Variants in MED16 observed in about 807,000 individuals in gnomAD.
MED16 encodes mediator of RNA polymerase II transcription subunit 16.
Under a neutral mutation model 84.4 loss-of-function variants are expected in MED16, and 81 were observed. The observed-to-expected ratio is 0.96, with a 90% CI of 0.80 to 1.15. The LOEUF is 1.15. Ranked by LOEUF, MED16 falls within the 50% of genes most tolerant of loss-of-function variation. The probability of loss-of-function intolerance (pLI) is 0.00; values close to 1 mark genes in which losing one functional copy is unlikely to be tolerated. For missense variants in MED16, 1,585 were observed against 1,245.9 expected (o/e 1.27, Z -4.10); for synonymous variants, 897 against 552.2 (o/e 1.62, Z -8.76).
intron 4 of MED16, among the ~76,000 whole-genome samples, chr19:886,563 C>T (rs2036531343): frequency 6.6e-6 from 1 of 152,210 alleles, no homozygotes; most frequent in Admixed American, 6.5e-5. Flanking sequence ...TCTGCCGTGG[C>T]GGCACACAGG....
At chr19:876,935 C>CCCACCTGCCACGGGGCT in intron 9 of MED16, 39 bp downstream of exon 9, 1 of 1,574,258 alleles carries the variant, frequency 6.4e-7, no homozygotes, top group South Asian at 1.1e-5. Flanking sequence ...CCACAGGGCC[C>CCCACCTGCCACGGGGCT]CCACCTGCCA....
intron 5 of MED16, among the ~76,000 whole-genome samples, chr19:885,388 G>A (rs1214298849): frequency 6.6e-6 from 1 of 152,068 alleles, no homozygotes; most frequent in African/African-American, 2.4e-5. Context: ...TGGCTGGGCC[G>A]CCTCTCACAG....
chr19:875,185 AAAAAT>A (rs1409036458), intron 10 of MED16, 54 bp downstream of exon 10: 18 of 1,184,342 alleles, frequency 1.5e-5, no homozygotes, highest in Middle Eastern at 2.9e-4. Context: ...AAAAATAAAT[AAAAAT>A]AAAATAAATA....
intron 4 of MED16, among the ~76,000 whole-genome samples, chr19:889,113 T>C (rs1433514030): frequency 8.5e-6 from 1 of 117,240 alleles, no homozygotes; most frequent in Admixed American, 9.9e-5. Context: ...GCCTACTTCT[T>C]AACTGTCCCC....
At position 885,772 on chromosome 19, in the gene MED16, G is replaced by A; in HGVS notation, c.877C>T (p.Gln293Ter). ...CGTGATGGCCTGCGCCCGTTCACCTGCTCCGACATGTCCCGGGCCAGGAAC... is the reference window on the plus strand; with the variant it reads ...CGTGATGGCCTGCGCCCGTTCACCTACTCCGACATGTCCCGGGCCAGGAAC... ...LKFLARDMSE[Q>*]VLLCASSQTS... is the part of the protein sequence containing the mutation. Residue 293 changes from glutamine (Q) to a stop codon, truncating the protein, a stop_gained and splice_region_variant, in exon 5 of 16, where the codon CAG becomes TAG. Transcript: ENST00000325464. LOFTEE classifies it high-confidence loss of function. 1 of 1,606,682 alleles carries A rather than the reference G, an allele frequency of 6.2e-7. No homozygotes were observed. The highest frequency in any genetic ancestry group is 8.5e-7 in the Non-Finnish European group (1 of 1,178,994).
At chr19:868,530 C>A in intron 14 of MED16, 31 bp from the exon 15 acceptor site, 1 of 1,604,008 alleles carries the variant, frequency 6.2e-7, no homozygotes, top group Non-Finnish European at 8.5e-7. Flanking sequence ...AGCGGGTTCC[C>A]ACTTCCAGGC....
intron 13 of MED16, 141 bp downstream of exon 13, chr19:870,896 C>G: frequency 2.5e-6 from 2 of 791,558 alleles, no homozygotes; most frequent in Non-Finnish European, 1.9e-6. Context: ...CCGGGCAGGA[C>G]ATGGAGGCGG....
intron 10 of MED16, 149 bp downstream of exon 10, chr19:875,095 C>T (rs912285790): frequency 3.8e-5 from 19 of 495,422 alleles, no homozygotes; most frequent in Admixed American, 7.9e-5. Flanking sequence ...ACCAGAGAGG[C>T]GGAGGCTGCA....
At position 868,489 on chromosome 19, in the gene MED16, C is replaced by CA. The variant is rs1437543275; in HGVS notation, c.2409dup (p.Val804CysfsTer28). On this transcript the variant is annotated frameshift_variant, in exon 15 of 16. Transcript: ENST00000325464. LOFTEE classifies it high-confidence loss of function. ...CTGTTGGGCGACTTGAGCATGGTGA[C>CA]ACAGCCGCACCTGCGGGGAGGCAGG... 3.1e-6 allele frequency: 5 copies of CA among 1,610,440 alleles called. No homozygotes were observed. The highest frequency in any genetic ancestry group is 4.2e-6 in the Non-Finnish European group (5 of 1,179,842).
chr19:873,300 TCCAAGTAGGGGC>T, intron 11 of MED16, 137 bp downstream of exon 11: 2 of 540,270 alleles, frequency 3.7e-6, no homozygotes, highest in South Asian at 4.3e-5. Flanking sequence ...GGGGCGGGAC[TCCAAGTAGGGGC>T]GGGACTCCAA....
chr19:874,555 G>T (rs542623228), intron 10 of MED16, among the ~76,000 whole-genome samples: 1 of 152,120 alleles, frequency 6.6e-6, no homozygotes, highest in African/African-American at 2.4e-5. Context: ...GTCCCCTTAC[G>T]GCAAAACGGA....
intron 13 of MED16, 142 bp from the exon 14 acceptor site, chr19:869,088 TGAGGTGG>T (rs1181479275): frequency 1.4e-6 from 1 of 725,652 alleles, no homozygotes; most frequent in Admixed American, 3.3e-5. Context: ...CTGTGAACAG[TGAGGTGG>T]GAGGTGCGGG....
chr19:883,653 C>G (rs577113248), intron 6 of MED16, among the ~76,000 whole-genome samples: 180 of 152,180 alleles, frequency 1.2e-3, no homozygotes, highest in African/African-American at 4.2e-3. Context: ...CTGCAGGAGA[C>G]GAGGAGGAGT....
chr19:880,295 C>G, intron 7 of MED16, 147 bp from the exon 8 acceptor site: 1 of 647,020 alleles, frequency 1.5e-6, no homozygotes, highest in Non-Finnish European at 2.4e-6. Flanking sequence ...CGCCCGTGCC[C>G]CCAGCCACTC....
chr19:889,904 G>A, intron 3 of MED16, 97 bp from the exon 4 acceptor site: 2 of 1,426,538 alleles, frequency 1.4e-6, no homozygotes, highest in Non-Finnish European at 1.9e-6. Context: ...GCCCAGTGGA[G>A]AGGTCTCGGC....
chr19:879,004 CCCCAGCCCCAGCCCCACATGT>C (rs2036342399), intron 8 of MED16, among the ~76,000 whole-genome samples: 1 of 150,202 alleles, frequency 6.7e-6, no homozygotes, highest in African/African-American at 2.5e-5. Flanking sequence ...TGCCCACCAG[CCCCAGCCCCAGCCCCACATGT>C]CCCAGCAGCT....
rs762259405 is a variant in MED16, at chr19:873,533, G to A, written c.1821C>T (p.Asp607=). ...GCTGCAGCGCCTGCAGTGTGTTCAT[G>A]TCCAGCACAAATTCCTCCGTCTTGA... ...INLKTEEFVL[D]MNTLQALQQL... Residue 607 remains aspartate (D), a synonymous_variant, in exon 11 of 16, where the codon GAC becomes GAT. Coordinates refer to ENST00000325464, the MANE Select transcript of MED16 (RefSeq NM_005481.3). The A allele has an allele frequency of 2.0e-5, 32 of 1,612,276 alleles. No homozygotes were observed. In the East Asian group the frequency reaches 3.6e-4, roughly 18 times the overall value.
chr19:886,272 A>G (rs868485544), intron 4 of MED16, 71 bp from the exon 5 acceptor site: 9 of 1,307,064 alleles, frequency 6.9e-6, no homozygotes, highest in Middle Eastern at 4.4e-4. Context: ...CCCCAGAAAC[A>G]CGCGCACAGA....
At chr19:873,707 A>C (rs1280110972) in intron 10 of MED16, 125 bp from the exon 11 acceptor site, 1 of 1,141,940 alleles carries the variant, frequency 8.8e-7, no homozygotes, top group Non-Finnish European at 1.2e-6. Context: ...GGGGACCCAC[A>C]CCGGGAACGA....
Sources: gnomAD v4.1 joint callset for allele counts (sites outside exome capture counted in the v4.1 genomes callset) on GRCh38, gnomAD v4.1.1 for gene constraint, MANE v1.5 for transcripts, NCBI Gene and HGNC (gene_info 2026-07-23, HGNC 2026-07-21) for gene names.